The following ARID1B variants were observed in gnomAD, a reference collection of about 807,000 sequenced individuals.
The protein encoded by ARID1B is AT-rich interaction domain 1B.
ARID1B carries 30 observed loss-of-function variants against 212.3 expected under a neutral mutation model. That is an observed-to-expected ratio of 0.14 (90% CI 0.11 to 0.19). The LOEUF is 0.19. ARID1B is among the 10% of genes least tolerant of loss of function. The pLI, the probability that ARID1B is intolerant of heterozygous loss-of-function variation, is 1.00. For missense variants in ARID1B, 2,891 were observed against 3,204.0 expected (o/e 0.90, Z 2.36); for synonymous variants, 1,402 against 1,301.7 (o/e 1.08, Z -1.66).
intron 3 of ARID1B, among the ~76,000 whole-genome samples, chr6:156,928,487 G>A (rs1363423697): frequency 2.0e-5 from 3 of 152,152 alleles, no homozygotes; most frequent in African/African-American, 4.8e-5. Context: ...ATTTGGGAGA[G>A]TCATTTCTTG....
intron 2 of ARID1B, among the ~76,000 whole-genome samples, chr6:156,896,600 AG>A (rs1788412291): frequency 1.4e-5 from 2 of 146,324 alleles, no homozygotes; most frequent in Admixed American, 6.8e-5. Context: ...AAAAAAAAAA[AG>A]AGGACACAGT....
At chr6:157,019,404 G>C (rs1326732999) in intron 4 of ARID1B, among the ~76,000 whole-genome samples, 1 of 152,220 alleles carries the variant, frequency 6.6e-6, no homozygotes, top group Non-Finnish European at 1.5e-5. Flanking sequence ...AGAGCAGACT[G>C]TCGTCATATA....
intron 4 of ARID1B, among the ~76,000 whole-genome samples, chr6:157,026,126 T>C (rs1235020953): frequency 2.0e-5 from 3 of 152,162 alleles, no homozygotes; most frequent in Admixed American, 1.3e-4. Flanking sequence ...AGTTTCACCA[T>C]GTTGGCCAGG....
At chr6:157,023,724 C>T (rs1020631393) in intron 4 of ARID1B, 2 of 152,240 alleles carry the variant, frequency 1.3e-5, no homozygotes, top group African/African-American at 4.8e-5. Context: ...CTTATGACTT[C>T]TGCCCCTCCA....
chr6:156,981,642 G>A (rs546536794), intron 4 of ARID1B, among the ~76,000 whole-genome samples: 1 of 152,174 alleles, frequency 6.6e-6, no homozygotes, highest in Admixed American at 6.5e-5. Flanking sequence ...ACTCTTCAAT[G>A]TCCTACCCAT....
intron 6 of ARID1B, among the ~76,000 whole-genome samples, chr6:157,113,025 G>A (rs1367456641): frequency 6.6e-6 from 1 of 151,586 alleles, no homozygotes; most frequent in Non-Finnish European, 1.5e-5. Flanking sequence ...GGGTTCAAGC[G>A]ATTCTTCTGC....
intron 4 of ARID1B, among the ~76,000 whole-genome samples, chr6:156,981,477 A>G (rs1583072589): frequency 6.6e-6 from 1 of 152,388 alleles, no homozygotes; most frequent in African/African-American, 2.4e-5. Context: ...GATGAAAATC[A>G]AATGAAATTG....
intron 2 of ARID1B, chr6:156,871,782 GC>G: frequency 9.2e-7 from 1 of 1,085,306 alleles, no homozygotes; most frequent in South Asian, 1.4e-5. Context: ...GAGGCTGAGG[GC>G]CCATCCCTGT....
intron 3 of ARID1B, among the ~76,000 whole-genome samples, chr6:156,931,898 A>G (rs752223639): frequency 3.5e-4 from 51 of 144,198 alleles, no homozygotes; most frequent in South Asian, 1.6e-3. Flanking sequence ...GGAGGTGGAG[A>G]TTGCGGTGAG....
At position 156,778,889 on chromosome 6, in the gene ARID1B, C is replaced by CGGAGGA. The variant is rs747790383; in HGVS notation, c.1229_1234dup (p.Gly410_Gly411dup). 620 of 1,366,588 alleles carry CGGAGGA rather than the reference C, an allele frequency of 4.5e-4. No homozygotes were observed. The highest frequency in any genetic ancestry group is 6.1e-4 in the South Asian group (35 of 57,238). 84.7% of individuals were successfully genotyped at this position (1,366,588 alleles called of 1,614,324 possible). On this transcript the variant is annotated inframe_insertion, in exon 1 of 20. Transcript: ENST00000636930. ...GCGGCGGCGGAGGAGGAGGAGGCAG[C>CGGAGGA]GGAGGAGGAGGAGGAGGAGGAGGAG...
intron 2 of ARID1B, among the ~76,000 whole-genome samples, chr6:156,839,678 G>T (rs1338852020): frequency 6.6e-6 from 1 of 152,140 alleles, no homozygotes; most frequent in Non-Finnish European, 1.5e-5. Context: ...TAGTCTTCAT[G>T]GCATCTGATG....
intron 2 of ARID1B, 78 bp downstream of exon 2, chr6:156,829,499 G>C (rs1345651290): frequency 7.1e-7 from 1 of 1,401,124 alleles, no homozygotes; most frequent in Non-Finnish European, 9.6e-7. Flanking sequence ...TAAGATTGAT[G>C]TTAAAGAGAA....
In ARID1B at chr6:157,184,567, G is replaced by A. The variant is rs187144497; in HGVS notation, c.3919+132G>A. The stretch of plus-strand genomic sequence containing the variant: ...TTGAGAGGTGGGGGGTTCCTGTGTC[G>A]TTTTGTTTATTTAATTGGACGCCCA... On this transcript the variant is annotated intron_variant, in intron 13 of 19. Transcript: ENST00000636930. The A allele has an allele frequency of 1.2e-3, 1,228 of 1,066,154 alleles. 10 individuals are homozygous for A. The African/African-American group carries it at 0.017, about 15-fold the overall frequency. 66.0% of individuals were successfully genotyped at this position (1,066,154 alleles called of 1,614,324 possible).
intron 2 of ARID1B, among the ~76,000 whole-genome samples, chr6:156,856,116 T>C (rs1291425333): frequency 6.6e-6 from 1 of 152,190 alleles, no homozygotes; most frequent in Non-Finnish European, 1.5e-5. Flanking sequence ...TTCCTAGATA[T>C]TGAGGTCTTA....
chr6:157,095,882 G>A (rs983299793), intron 5 of ARID1B, among the ~76,000 whole-genome samples: 1 of 151,972 alleles, frequency 6.6e-6, no homozygotes, highest in Non-Finnish European at 1.5e-5. Flanking sequence ...TAAGAGAAGC[G>A]AGCCTCAGTG....
Position 157,206,141 on chromosome 6 carries a change from T to C in ARID1B, c.5395-26T>C. ...GTCATGACATTGTACCTGTTCTTTC[T>C]TTCTTCTCCTCCTCCTCCTCTCCAG... On this transcript the variant is annotated intron_variant, in intron 19 of 19. Coordinates refer to ENST00000636930, the MANE Select transcript of ARID1B (RefSeq NM_001374828.1). The surrounding 1 kb of genome is among the most constrained non-coding windows in gnomAD (Gnocchi z 6.8). 6.2e-7 allele frequency: 1 copy of C among 1,609,790 alleles called. No homozygotes were observed. Among genetic ancestry groups the C allele is most frequent in the Non-Finnish European group, 8.5e-7 (1 of 1,177,398 alleles).
chr6:157,039,674 C>CTTCTTTCTTTCTTTCTTTCTTTCT (rs1166401045), intron 4 of ARID1B, among the ~76,000 whole-genome samples: 1 of 76,938 alleles, frequency 1.3e-5, no homozygotes, highest in African/African-American at 6.3e-5. Flanking sequence ...TCCTTCCTTC[C>CTTCTTTCTTTCTTTCTTTCTTTCT]TTCCTTCCTT....
At chr6:156,943,732 T>C (rs1371573932) in intron 4 of ARID1B, 1 of 152,220 alleles carries the variant, frequency 6.6e-6, no homozygotes, top group East Asian at 1.9e-4. Context: ...TACTAATAGC[T>C]AATTTTTTAG....
At chr6:156,928,668 C>T (rs1791447729) in intron 3 of ARID1B, among the ~76,000 whole-genome samples, 3 of 152,154 alleles carry the variant, frequency 2.0e-5, no homozygotes, top group Admixed American at 1.3e-4. Context: ...AGAGAAGAGC[C>T]GGTAGAGGAT....
Sources: gnomAD v4.1 joint callset for allele counts (sites outside exome capture counted in the v4.1 genomes callset) on GRCh38, gnomAD v4.1.1 for gene constraint, Gnocchi (gnomAD v3.1) non-coding constraint, MANE v1.5 for transcripts, NCBI Gene and HGNC (gene_info 2026-07-23, HGNC 2026-07-21) for gene names.